The following FRMD6 variants were observed in gnomAD, a reference collection of about 807,000 sequenced individuals.
The protein encoded by FRMD6 is FERM domain-containing protein 6.
FRMD6 carries 37 observed loss-of-function variants against 73.2 expected under a neutral mutation model. That is an observed-to-expected ratio of 0.51 (90% CI 0.39 to 0.66). FRMD6 has a LOEUF of 0.66. Ranked by LOEUF, FRMD6 falls within the 30% of genes least tolerant of loss-of-function variation. The pLI is 0.00. For missense variants in FRMD6, 714 were observed against 780.5 expected (o/e 0.91, Z 1.02); for synonymous variants, 273 against 282.2 (o/e 0.97, Z 0.33).
the FRMD6 span, chr14:51,436,729 C>G: frequency 9.1e-5 from 49 of 538,072 alleles, no homozygotes; most frequent in South Asian, 6.1e-4. Flanking sequence ...TATTACAGTA[C>G]TACTTGGTTT....
chr14:51,396,481 C>G, the FRMD6 span, among the ~76,000 whole-genome samples: 1 of 151,932 alleles, frequency 6.6e-6, no homozygotes, highest in Non-Finnish European at 1.5e-5. Context: ...TACTGTTTAT[C>G]GTGATAATCT....
intron 10 of FRMD6, among the ~76,000 whole-genome samples, chr14:51,718,006 C>T (rs989845270): frequency 2.6e-5 from 4 of 152,322 alleles, no homozygotes; most frequent in Non-Finnish European, 4.4e-5. Flanking sequence ...CTCATTGTCT[C>T]TGGGCTTTTA....
chr14:51,531,234 C>A (rs1885564921), intron 1 of FRMD6, among the ~76,000 whole-genome samples: 2 of 152,106 alleles, frequency 1.3e-5, no homozygotes, highest in East Asian at 1.9e-4. Context: ...AAGGTTATCA[C>A]CAGTAATAAG....
At chr14:51,617,686 C>T (rs971078456) in intron 2 of FRMD6, among the ~76,000 whole-genome samples, 1 of 152,122 alleles carries the variant, frequency 6.6e-6, no homozygotes, top group African/African-American at 2.4e-5. Flanking sequence ...TATTGGAACA[C>T]TCTTGCATAT....
intron 11 of FRMD6, among the ~76,000 whole-genome samples, chr14:51,720,832 C>T (rs116928796): frequency 2.6e-5 from 4 of 152,210 alleles, no homozygotes; most frequent in East Asian, 1.9e-4. Context: ...TTTTCTGAAG[C>T]GCCTCCCATG....
chr14:51,526,768 C>A (rs1885279994), intron 1 of FRMD6, among the ~76,000 whole-genome samples: 1 of 152,218 alleles, frequency 6.6e-6, no homozygotes, highest in Admixed American at 6.5e-5. Context: ...CAGTGCTCAG[C>A]ACACCACAGG....
intron 2 of FRMD6, among the ~76,000 whole-genome samples, chr14:51,635,353 G>A (rs1891512750): frequency 6.6e-6 from 1 of 152,154 alleles, no homozygotes; most frequent in Non-Finnish European, 1.5e-5. Flanking sequence ...TATGATTGTG[G>A]CACTGCACTG....
At chr14:51,433,415 C>G in the FRMD6 span, among the ~76,000 whole-genome samples, 1 of 152,094 alleles carries the variant, frequency 6.6e-6, no homozygotes, top group African/African-American at 2.4e-5. Context: ...CCCGGACATA[C>G]TTTTAAGTGA....
intron 2 of FRMD6, among the ~76,000 whole-genome samples, chr14:51,583,890 G>A (rs1162825574): frequency 2.6e-5 from 4 of 152,176 alleles, no homozygotes; most frequent in African/African-American, 9.7e-5. Flanking sequence ...ATAGCAGAAA[G>A]AGAAGCTGGG....
At chr14:51,561,613 T>C (rs1887485586) in intron 1 of FRMD6, among the ~76,000 whole-genome samples, 1 of 152,216 alleles carries the variant, frequency 6.6e-6, no homozygotes, top group African/African-American at 2.4e-5. Flanking sequence ...GTGTTTTGTT[T>C]ATTTATTTAT....
intron 13 of FRMD6, 144 bp from the exon 14 acceptor site, chr14:51,727,601 A>T (rs1442485269): frequency 1.3e-5 from 9 of 693,378 alleles, no homozygotes; most frequent in Non-Finnish European, 2.2e-5. Context: ...ATTTCCCCAT[A>T]CAGCCCAGAA....
chr14:51,411,361 G>A, the FRMD6 span, among the ~76,000 whole-genome samples: 7 of 152,138 alleles, frequency 4.6e-5, no homozygotes, highest in Non-Finnish European at 8.8e-5. Context: ...AGCAGAAACT[G>A]GGAAGTAAGG....
At chr14:51,446,445 GAC>G in the FRMD6 span, among the ~76,000 whole-genome samples, 2,376 of 139,204 alleles carry the variant, frequency 0.017, 37 homozygotes, top group Non-Finnish European at 0.024. Flanking sequence ...CTCTTGTGTA[GAC>G]ACACACACAC....
chr14:51,579,649 AAATG>A (rs1477114946), intron 2 of FRMD6, among the ~76,000 whole-genome samples: 2 of 152,210 alleles, frequency 1.3e-5, no homozygotes, highest in Non-Finnish European at 2.9e-5. Flanking sequence ...ATGAATGAGT[AAATG>A]ATTTGGTGAG....
intron 1 of FRMD6, among the ~76,000 whole-genome samples, chr14:51,519,203 C>T (rs552494392): frequency 7.8e-5 from 9 of 115,736 alleles, no homozygotes; most frequent in Admixed American, 6.5e-4. Flanking sequence ...CTCACTCTGT[C>T]GCCCAGGCTG....
the FRMD6 span, among the ~76,000 whole-genome samples, chr14:51,449,116 A>T: frequency 6.6e-6 from 1 of 152,208 alleles, no homozygotes; most frequent in African/African-American, 2.4e-5. Context: ...TCTGACCCTC[A>T]GTTGCTGTAC....
rs200593366 is a variant in FRMD6, at chr14:51,720,130, G to T, written c.1100G>T (p.Arg367Leu). Residue 367 changes from arginine to leucine, a missense_variant, in exon 11 of 14, where the codon CGG becomes CTG. Transcript: ENST00000344768. ...ATGGACCAGCTGGAAAAACGGTCGC[G>T]GGCCAGCGGGAGCAGTGCGGGCAGC... Reference protein sequence around the residue: ...LDMDQLEKRSRASGSSAGSMK... With the variant: ...LDMDQLEKRSLASGSSAGSMK... 1.2e-6 allele frequency: 2 copies of T among 1,613,680 alleles called. No individual in the cohort carries two copies. Among genetic ancestry groups the T allele is most frequent in the African/African-American group, 2.7e-5 (2 of 74,920 alleles).
chr14:51,688,261 A>G (rs1241262959), intron 1 of FRMD6, among the ~76,000 whole-genome samples: 1 of 152,144 alleles, frequency 6.6e-6, no homozygotes, highest in African/African-American at 2.4e-5. Context: ...ACCTAACATG[A>G]GATGATTATT....
chr14:51,671,180 T>A (rs1011824035), intron 1 of FRMD6, among the ~76,000 whole-genome samples: 2 of 152,232 alleles, frequency 1.3e-5, no homozygotes, highest in African/African-American at 2.4e-5. Flanking sequence ...CTCGTGTCTA[T>A]GTTCATGAGG....
Sources: allele counts gnomAD v4.1 joint callset (sites outside exome capture counted in the v4.1 genomes callset), GRCh38; gene constraint gnomAD v4.1.1; transcripts MANE v1.5; gene names NCBI Gene and HGNC (gene_info 2026-07-23, HGNC 2026-07-21).